Variants in FER observed in about 807,000 individuals in gnomAD.
The protein encoded by FER is tyrosine-protein kinase Fer.
FER carries 63 observed loss-of-function variants against 111.0 expected under a neutral mutation model. The observed-to-expected ratio is 0.57, with a 90% CI of 0.46 to 0.70. FER has a LOEUF of 0.70. FER is among the 30% of genes least tolerant of loss of function. The pLI, the probability that FER is intolerant of heterozygous loss-of-function variation, is 0.00. For missense variants in FER, 914 were observed against 954.0 expected, an observed-to-expected ratio of 0.96 and a Z score of 0.55; for synonymous variants, 327 against 313.9, an observed-to-expected ratio of 1.04 and a Z score of -0.44.
Position 108,832,922 on chromosome 5 carries a change from G to A in FER, c.360G>A (p.Gln120=). Residue 120 remains glutamine (Q), a synonymous_variant, in exon 4 of 20, where the codon CAG becomes CAA. Coordinates refer to ENST00000281092, the MANE Select transcript of FER (RefSeq NM_005246.4). ...VKKSYIGVHQ[Q]IEAEMIKVTK... ...AAAGTTACATAGGTGTTCATCAGCA[G>A]ATAGAGGCAGAGATGATCAAGGTTC... The A allele has an allele frequency of 3.8e-6, 6 of 1,589,456 alleles. No homozygotes were observed. The highest frequency in any genetic ancestry group is 3.4e-6 in the Non-Finnish European group (4 of 1,169,924).
intron 13 of FER, among the ~76,000 whole-genome samples, chr5:108,965,947 T>G (rs370675419): frequency 1.3e-5 from 2 of 152,140 alleles, no homozygotes; most frequent in East Asian, 1.9e-4. Context: ...TACTTAATAA[T>G]ATAAAAGAAC....
intron 2 of FER, among the ~76,000 whole-genome samples, chr5:108,774,011 T>G (rs1753208151): frequency 6.6e-6 from 1 of 152,054 alleles, no homozygotes; most frequent in South Asian, 2.1e-4. Flanking sequence ...CCATGGTGGT[T>G]TGCCGCACCT....
chr5:108,779,419 A>G (rs1753814531), intron 2 of FER, among the ~76,000 whole-genome samples: 1 of 152,224 alleles, frequency 6.6e-6, no homozygotes, highest in Non-Finnish European at 1.5e-5. Context: ...CTTCTTGTCC[A>G]TGAACATGGA....
intron 17 of FER, among the ~76,000 whole-genome samples, chr5:109,114,278 GC>G (rs1311940832): frequency 2.5e-4 from 38 of 152,190 alleles, no homozygotes; most frequent in African/African-American, 8.4e-4. Context: ...TTTCCCAGTA[GC>G]TATCAATTAT....
chr5:109,059,683 A>G (rs1047825413), intron 16 of FER, among the ~76,000 whole-genome samples: 1 of 152,190 alleles, frequency 6.6e-6, no homozygotes, highest in African/African-American at 2.4e-5. Context: ...GAGCTCTAAT[A>G]AGTGGTGATA....
intron 17 of FER, among the ~76,000 whole-genome samples, chr5:109,115,511 GA>G (rs1750119503): frequency 6.6e-6 from 1 of 152,092 alleles, no homozygotes; most frequent in Non-Finnish European, 1.5e-5. Flanking sequence ...ACACCTAGGA[GA>G]ATTTTTATGT....
intron 10 of FER, among the ~76,000 whole-genome samples, chr5:108,934,358 C>T (rs945204942): frequency 2.6e-5 from 4 of 152,020 alleles, no homozygotes; most frequent in Non-Finnish European, 5.9e-5. Context: ...TTCCTTCTAC[C>T]ACTGATTGTT....
Position 108,828,041 on chromosome 5 carries a change from T to TA in FER, c.208-4729_208-4728insA, listed in dbSNP as rs1759656539. ...AGCTTTTCAAATTTTTGATTAAAAA[T>TA]TTTTTTTTTGTAGAGACACTGTCTT... On this transcript the variant is annotated intron_variant, in intron 3 of 19. Coordinates refer to ENST00000281092, the MANE Select transcript of FER (RefSeq NM_005246.4). Among the ~76,000 whole-genome samples the TA allele has an allele frequency of 3.3e-5, 5 of 150,318 alleles. No homozygotes were observed. The South Asian group carries it at 1.1e-3, about 32-fold the overall frequency.
chr5:108,918,663 A>G (rs1374584629), intron 10 of FER, among the ~76,000 whole-genome samples: 9 of 151,240 alleles, frequency 6.0e-5, no homozygotes, highest in Non-Finnish European at 1.5e-5. Context: ...ATTTTTTTGT[A>G]TTTTTACTAG....
chr5:108,962,582 G>C (rs950701193), intron 13 of FER, among the ~76,000 whole-genome samples: 1 of 152,170 alleles, frequency 6.6e-6, no homozygotes, highest in Non-Finnish European at 1.5e-5. Context: ...TGTATTTCCA[G>C]TGTCTCGAAG....
chr5:108,993,622 CGAGGGCGAGGGT>C (rs1424756328), intron 13 of FER, among the ~76,000 whole-genome samples: 2 of 106,360 alleles, frequency 1.9e-5, no homozygotes, highest in Non-Finnish European at 4.3e-5. Context: ...AGGGCAAGGG[CGAGGGCGAGGGT>C]GAGGGCGAGG....
chr5:109,011,296 T>C (rs1415468270), intron 13 of FER, among the ~76,000 whole-genome samples: 2 of 152,140 alleles, frequency 1.3e-5, no homozygotes, highest in Non-Finnish European at 2.9e-5. Flanking sequence ...CTCTAAAAAT[T>C]AGAGATGGAT....
chr5:109,100,940 G>A (rs80143872), intron 17 of FER, among the ~76,000 whole-genome samples: 15,846 of 151,346 alleles, frequency 0.1, 835 homozygotes, highest in Non-Finnish European at 0.12. Flanking sequence ...AGTGAATTTG[G>A]TCAAGGGTAA....
At chr5:108,907,102 G>A (rs1359514878) in intron 10 of FER, among the ~76,000 whole-genome samples, 1 of 152,240 alleles carries the variant, frequency 6.6e-6, no homozygotes, top group Non-Finnish European at 1.5e-5. Context: ...ATTGTTGGAT[G>A]TATTTATGAA....
chr5:108,863,825 T>G (rs74660199), intron 5 of FER, among the ~76,000 whole-genome samples: 2,465 of 152,316 alleles, frequency 0.016, 75 homozygotes, highest in African/African-American at 0.057. Context: ...TTTGATTATT[T>G]ACTGGTTCAT....
chr5:109,165,559 A>C (rs927000224), intron 17 of FER, among the ~76,000 whole-genome samples: 1 of 151,896 alleles, frequency 6.6e-6, no homozygotes, highest in Non-Finnish European at 1.5e-5. Context: ...TTAGGGAAAT[A>C]AAGTGCACAC....
At chr5:108,817,550 C>T (rs1047202824) in intron 3 of FER, among the ~76,000 whole-genome samples, 1 of 152,090 alleles carries the variant, frequency 6.6e-6, no homozygotes, top group African/African-American at 2.4e-5. Context: ...TTTATAACAA[C>T]TATTATTTAG....
At chr5:109,039,249 G>A (rs778339318) in intron 14 of FER, among the ~76,000 whole-genome samples, 2 of 151,660 alleles carry the variant, frequency 1.3e-5, no homozygotes, top group African/African-American at 4.8e-5. Context: ...ATTTTTAGTA[G>A]ACTGTACTTG....
chr5:108,998,545 C>T (rs1214883352), intron 13 of FER, among the ~76,000 whole-genome samples: 1 of 152,198 alleles, frequency 6.6e-6, no homozygotes, highest in Non-Finnish European at 1.5e-5. Flanking sequence ...AATCCCCTGC[C>T]TTCTCCCTGG....
Sources: allele counts gnomAD v4.1 joint callset (sites outside exome capture counted in the v4.1 genomes callset), GRCh38; gene constraint gnomAD v4.1.1; transcripts MANE v1.5; gene names NCBI Gene and HGNC (gene_info 2026-07-23, HGNC 2026-07-21).